Variants in TLK2 observed in about 807,000 individuals in gnomAD.
TLK2 encodes the protein serine/threonine-protein kinase tousled-like 2.
A neutral mutation model predicts 117.3 loss-of-function variants in TLK2; 6 were observed. The observed-to-expected ratio is 0.05, with a 90% CI of 0.03 to 0.10. The LOEUF is 0.10. TLK2 is among the 10% of genes least tolerant of loss of function. TLK2 has a pLI of 1.00. For synonymous variants in TLK2, 257 were observed against 316.7 expected, an observed-to-expected ratio of 0.81 and a Z score of 2.00; for missense variants, 299 against 901.2, an observed-to-expected ratio of 0.33 and a Z score of 8.56.
intron 16 of TLK2, among the ~76,000 whole-genome samples, chr17:62,590,814 T>C (rs1404830211): frequency 1.3e-5 from 2 of 152,246 alleles, no homozygotes; most frequent in African/African-American, 4.8e-5. Flanking sequence ...TTCTTGAATG[T>C]ATTTTTCAGT....
Position 62,602,028 on chromosome 17 carries a change from T to C in TLK2, c.1721-14T>C. On this transcript the variant is annotated splice_polypyrimidine_tract_variant and intron_variant, in intron 18 of 21. Transcript: ENST00000346027. Reference sequence around the variant, plus strand: ...GTAAGTCTCTGCTTATTCATGAAGGTTTTTATTTTTTAGGTAATATTCTTT... The same window carrying C: ...GTAAGTCTCTGCTTATTCATGAAGGCTTTTATTTTTTAGGTAATATTCTTT... 6.2e-7 allele frequency: 1 copy of C among 1,606,584 alleles called. No homozygotes were observed. Among genetic ancestry groups the C allele is most frequent in the Admixed American group, 1.7e-5 (1 of 59,140 alleles).
At chr17:62,505,751 G>A (rs1417876083) in intron 2 of TLK2, among the ~76,000 whole-genome samples, 1 of 152,128 alleles carries the variant, frequency 6.6e-6, no homozygotes, top group African/African-American at 2.4e-5. Flanking sequence ...GAGCGCAGTG[G>A]TGCGATCAAG....
intron 7 of TLK2, among the ~76,000 whole-genome samples, chr17:62,537,445 G>T (rs1350524712): frequency 6.6e-6 from 1 of 152,226 alleles, no homozygotes; most frequent in Non-Finnish European, 1.5e-5. Flanking sequence ...CACTGTCTGT[G>T]TGGAGTTTGC....
chr17:62,576,109 A>G (rs1186561127), intron 12 of TLK2, among the ~76,000 whole-genome samples: 3 of 152,168 alleles, frequency 2.0e-5, no homozygotes, highest in African/African-American at 7.2e-5. Flanking sequence ...AATATTCTTT[A>G]TATGTTGTCA....
At chr17:62,546,259 C>T (rs1196684232) in intron 7 of TLK2, among the ~76,000 whole-genome samples, 1 of 151,398 alleles carries the variant, frequency 6.6e-6, no homozygotes, top group Non-Finnish European at 1.5e-5. Flanking sequence ...GCTATCAGCT[C>T]GCTTTGGCTT....
At chr17:62,603,526 CTTTT>C (rs35783634) in intron 19 of TLK2, among the ~76,000 whole-genome samples, 5 of 145,378 alleles carry the variant, frequency 3.4e-5, no homozygotes, top group Non-Finnish European at 7.6e-5. Flanking sequence ...TGTGTTTGAT[CTTTT>C]TTTTTTTAAG....
chr17:62,501,609 AAAAG>A (rs1365018714), intron 2 of TLK2, among the ~76,000 whole-genome samples: 4 of 151,982 alleles, frequency 2.6e-5, no homozygotes, highest in East Asian at 1.9e-4. Context: ...AATTAAAAAA[AAAAG>A]AAAGAATGAG....
intron 2 of TLK2, among the ~76,000 whole-genome samples, chr17:62,486,097 G>A (rs906506735): frequency 1.3e-5 from 2 of 151,976 alleles, no homozygotes; most frequent in African/African-American, 2.4e-5. Flanking sequence ...TGGGATTACA[G>A]GTATGGGCCA....
intron 21 of TLK2, among the ~76,000 whole-genome samples, chr17:62,611,504 T>C (rs1030943203): frequency 3.3e-5 from 5 of 152,210 alleles, no homozygotes; most frequent in Non-Finnish European, 2.9e-5. Flanking sequence ...GCTGTACCCA[T>C]GCACAGCCTC....
chr17:62,529,716 A>G (rs999484453), intron 6 of TLK2, among the ~76,000 whole-genome samples: 12 of 152,152 alleles, frequency 7.9e-5, no homozygotes, highest in African/African-American at 2.9e-4. Context: ...TTTACATTCA[A>G]TATAATTACC....
At chr17:62,543,430 C>T (rs1266511083) in intron 7 of TLK2, among the ~76,000 whole-genome samples, 5 of 152,336 alleles carry the variant, frequency 3.3e-5, no homozygotes, top group Non-Finnish European at 4.4e-5. Context: ...GACTCTTCCA[C>T]AGCAGCTGCA....
intron 21 of TLK2, chr17:62,612,150 C>A: frequency 2.6e-6 from 1 of 378,284 alleles, no homozygotes; most frequent in Non-Finnish European, 4.7e-6. Context: ...TTCCTCCCTT[C>A]AGTAATGGCT....
chr17:62,492,185 G>A (rs1252317749), intron 2 of TLK2, among the ~76,000 whole-genome samples: 3 of 152,052 alleles, frequency 2.0e-5, no homozygotes, highest in African/African-American at 7.2e-5. Context: ...CAGGAACAAA[G>A]GTTCTATAGG....
At chr17:62,515,740 T>G (rs2075526562) in intron 2 of TLK2, among the ~76,000 whole-genome samples, 1 of 152,214 alleles carries the variant, frequency 6.6e-6, no homozygotes, top group South Asian at 2.1e-4. Context: ...TGCCTTACCA[T>G]ATATGTAAAT....
chr17:62,592,062 C>A (rs1203992662), intron 16 of TLK2, among the ~76,000 whole-genome samples: 1 of 151,914 alleles, frequency 6.6e-6, no homozygotes, highest in Non-Finnish European at 1.5e-5. Flanking sequence ...TCAAGTGATT[C>A]CCCTGCCTCA....
intron 7 of TLK2, among the ~76,000 whole-genome samples, chr17:62,537,391 A>G (rs1254739127): frequency 6.6e-6 from 1 of 152,234 alleles, no homozygotes; most frequent in East Asian, 1.9e-4. Flanking sequence ...ATTTCATTCA[A>G]CATGGTTTCG....
intron 10 of TLK2, among the ~76,000 whole-genome samples, chr17:62,560,972 C>T (rs1391734775): frequency 6.6e-6 from 1 of 152,096 alleles, no homozygotes; most frequent in Non-Finnish European, 1.5e-5. Context: ...TGCTGTGCCT[C>T]CCCACTCCCC....
At chr17:62,502,029 A>T (rs77003009) in intron 2 of TLK2, among the ~76,000 whole-genome samples, 41,182 of 133,814 alleles carry the variant, frequency 0.31, 6,547 homozygotes, top group Admixed American at 0.35. Context: ...AAAAATACCA[A>T]TTTTTTTTTT....
chr17:62,554,110 G>A (rs1407583206), intron 9 of TLK2, among the ~76,000 whole-genome samples: 1 of 152,060 alleles, frequency 6.6e-6, no homozygotes, highest in Non-Finnish European at 1.5e-5. Context: ...TATTTCAAAG[G>A]ACTTATTAGC....
Sources: gnomAD v4.1 joint callset for allele counts (sites outside exome capture counted in the v4.1 genomes callset) on GRCh38, gnomAD v4.1.1 for gene constraint, MANE v1.5 for transcripts, NCBI Gene and HGNC (gene_info 2026-07-23, HGNC 2026-07-21) for gene names.